The following NTM variants were observed in gnomAD, a reference collection of about 807,000 sequenced individuals.
NTM encodes neurotrimin.
NTM carries 13 observed loss-of-function variants against 42.1 expected under a neutral mutation model. The ratio of observed to expected loss-of-function variants is 0.31; its 90% CI spans 0.20 to 0.49. NTM has a LOEUF of 0.49. Ranked by LOEUF, NTM falls within the 20% of genes least tolerant of loss-of-function variation. The probability of loss-of-function intolerance (pLI) is 0.99; values close to 1 mark genes in which losing one functional copy is unlikely to be tolerated. For missense variants in NTM, 373 were observed against 452.8 expected (o/e 0.82, Z 1.60); for synonymous variants, 187 against 179.2 (o/e 1.04, Z -0.35).
intron 3 of NTM, among the ~76,000 whole-genome samples, chr11:132,149,576 A>G (rs1168559957): frequency 2.6e-5 from 4 of 152,178 alleles, no homozygotes; most frequent in Non-Finnish European, 4.4e-5. Context: ...GGTCTGGGGT[A>G]TGTCTTTCCC....
chr11:131,854,684 G>A (rs1010741481), intron 1 of NTM, among the ~76,000 whole-genome samples: 6 of 152,140 alleles, frequency 3.9e-5, no homozygotes, highest in African/African-American at 1.4e-4. Context: ...AAGGAGTTTG[G>A]ATTTTGTTTT....
At chr11:131,782,442 C>A (rs11222791) in intron 1 of NTM, among the ~76,000 whole-genome samples, 26,062 of 151,400 alleles carry the variant, frequency 0.17, 2,660 homozygotes, top group Admixed American at 0.33. Flanking sequence ...GAAATAATAA[C>A]AAATCTATAG....
chr11:131,858,153 G>A (rs574005778), intron 1 of NTM, among the ~76,000 whole-genome samples: 93 of 152,188 alleles, frequency 6.1e-4, no homozygotes, highest in African/African-American at 2.2e-3. Context: ...GTGTTTGCTT[G>A]AAATGCTAAC....
chr11:131,753,783 C>T (rs2082904013), intron 1 of NTM, among the ~76,000 whole-genome samples: 2 of 151,650 alleles, frequency 1.3e-5, no homozygotes, highest in South Asian at 4.2e-4. Context: ...AGGAGATATA[C>T]CTAATGCTAA....
intron 4 of NTM, among the ~76,000 whole-genome samples, chr11:132,250,115 T>G (rs774882625): frequency 2.6e-5 from 4 of 152,246 alleles, no homozygotes; most frequent in Non-Finnish European, 2.9e-5. Flanking sequence ...TGTCTTATTT[T>G]GTCCTGATTC....
rs1346498871 is a variant in NTM, at chr11:132,035,980, A to G, written c.168-110302A>G. Among the ~76,000 whole-genome samples, 2 of 152,166 alleles carry G rather than the reference A, an allele frequency of 1.3e-5. 1 individual carries two copies. Among genetic ancestry groups the G allele is most frequent in the South Asian group, 4.1e-4 (2 of 4,824 alleles). On this transcript the variant is annotated intron_variant, in intron 2 of 8. Coordinates refer to ENST00000683400, the MANE Select transcript of NTM (RefSeq NM_001352005.2). Reference sequence around the variant, plus strand: ...TGTAGATGGGAGATAGAGCTGCATCATTACGCGGGGGTGACAAGGATGTAA... The same window carrying G: ...TGTAGATGGGAGATAGAGCTGCATCGTTACGCGGGGGTGACAAGGATGTAA...
At chr11:131,763,593 A>T (rs1170341152) in intron 1 of NTM, among the ~76,000 whole-genome samples, 2 of 151,680 alleles carry the variant, frequency 1.3e-5, no homozygotes, top group African/African-American at 4.8e-5. Context: ...TAAAATCCCT[A>T]TACATGTCTG....
chr11:132,058,401 C>T (rs754805488), intron 2 of NTM, among the ~76,000 whole-genome samples: 21 of 152,154 alleles, frequency 1.4e-4, no homozygotes, highest in Non-Finnish European at 2.8e-4. Flanking sequence ...CCCTGCGAAG[C>T]GGATTAAGTC....
chr11:131,370,986 T>C (rs1000169693), intron 1 of NTM, 98 bp downstream of exon 1: 7 of 1,562,384 alleles, frequency 4.5e-6, no homozygotes, highest in Non-Finnish European at 5.2e-6. Context: ...TGCTGCGCTG[T>C]TTGCAGGTGG....
chr11:131,625,185 G>T (rs190968329), intron 1 of NTM, among the ~76,000 whole-genome samples: 155 of 152,262 alleles, frequency 1.0e-3, no homozygotes, highest in African/African-American at 3.4e-3. Context: ...TATTTTAAGG[G>T]TGTAAAGTGA....
chr11:131,606,922 C>T (rs896705941), intron 1 of NTM, among the ~76,000 whole-genome samples: 1 of 152,184 alleles, frequency 6.6e-6, no homozygotes, highest in Non-Finnish European at 1.5e-5. Context: ...TCATCAGTTT[C>T]ATCTCATTTC....
chr11:132,246,219 G>A (rs79048099), intron 4 of NTM, among the ~76,000 whole-genome samples: 2,722 of 152,268 alleles, frequency 0.018, 89 homozygotes, highest in African/African-American at 0.061. Context: ...CGCACCTCCC[G>A]CACAGGTGGG....
chr11:131,464,653 CAG>C (rs903270916), intron 1 of NTM, among the ~76,000 whole-genome samples: 19 of 152,178 alleles, frequency 1.2e-4, no homozygotes, highest in Non-Finnish European at 2.2e-4. Flanking sequence ...GCTCACAAAT[CAG>C]AGATGTCTTC....
At chr11:131,457,851 G>C (rs1384769756) in intron 1 of NTM, among the ~76,000 whole-genome samples, 1 of 151,910 alleles carries the variant, frequency 6.6e-6, no homozygotes, top group Non-Finnish European at 1.5e-5. Context: ...TATAAAGGTG[G>C]CCCCCGAGAG....
chr11:131,449,805 G>C (rs1950347228), intron 1 of NTM, among the ~76,000 whole-genome samples: 1 of 152,144 alleles, frequency 6.6e-6, no homozygotes, highest in Admixed American at 6.5e-5. Context: ...CCTGTGCACT[G>C]CCTGTGCAGA....
At chr11:131,515,385 C>T (rs1591900260) in intron 1 of NTM, among the ~76,000 whole-genome samples, 1 of 152,148 alleles carries the variant, frequency 6.6e-6, no homozygotes, top group Non-Finnish European at 1.5e-5. Context: ...CCAGTCCTCT[C>T]CCTGTGGTAG....
intron 1 of NTM, among the ~76,000 whole-genome samples, chr11:131,822,978 CCCTT>C (rs1468947097): frequency 3.9e-5 from 6 of 152,296 alleles, no homozygotes; most frequent in African/African-American, 1.4e-4. Context: ...CTGTCTCCCT[CCCTT>C]CCTCCTTCCC....
At chr11:131,523,102 C>T (rs1391983213) in intron 1 of NTM, among the ~76,000 whole-genome samples, 2 of 152,118 alleles carry the variant, frequency 1.3e-5, no homozygotes, top group Admixed American at 6.5e-5. Flanking sequence ...TTGTACCAGC[C>T]GACTTAGTGT....
chr11:132,051,824 T>A (rs2078899078), intron 2 of NTM, among the ~76,000 whole-genome samples: 1 of 152,196 alleles, frequency 6.6e-6, no homozygotes. Context: ...TGAGTCTATT[T>A]CAGAAAAGAC....
Sources: allele counts gnomAD v4.1 joint callset (sites outside exome capture counted in the v4.1 genomes callset), GRCh38; gene constraint gnomAD v4.1.1; transcripts MANE v1.5; gene names NCBI Gene and HGNC (gene_info 2026-07-23, HGNC 2026-07-21).